The following ERCC8 variants were observed in gnomAD, a reference collection of about 807,000 sequenced individuals.
ERCC8 encodes the protein ERCC excision repair 8, CSA ubiquitin ligase complex subunit.
Under a neutral mutation model 54.9 loss-of-function variants are expected in ERCC8, and 52 were observed. The observed-to-expected ratio is 0.95, with a 90% CI of 0.76 to 1.19. The LOEUF is 1.19. Ranked by LOEUF, ERCC8 falls within the 50% of genes most tolerant of loss-of-function variation. The pLI, the probability that ERCC8 is intolerant of heterozygous loss-of-function variation, is 0.00. For missense variants in ERCC8, 514 were observed against 466.1 expected (o/e 1.10, Z -0.95); for synonymous variants, 146 against 157.2 (o/e 0.93, Z 0.53).
chr5:60,891,098 AAAT>A lies in ERCC8; in HGVS notation c.844-15_844-13del. 2 of 1,541,600 alleles carry A rather than the reference AAAT, an allele frequency of 1.3e-6. No individual in the cohort carries two copies. Among genetic ancestry groups the A allele is most frequent in the South Asian group, 1.1e-5 (1 of 89,410 alleles). The stretch of plus-strand genomic sequence containing the variant: ...TTTCCATAGTTCACCTGTAGGATTA[AAAT>A]AATAAGGTTACTCATCTCTGAAATC... On this transcript the variant is annotated splice_polypyrimidine_tract_variant and intron_variant, in intron 9 of 11. Coordinates refer to ENST00000676185, the MANE Select transcript of ERCC8 (RefSeq NM_000082.4).
Position 60,898,262 on chromosome 5 carries a change from TA to T in ERCC8, c.843+13del, listed in dbSNP as rs751610285. Reference sequence around the variant, plus strand: ...CTTAATTTATACCCAAATATATACTTAAAAATCTCTTACAAGTGTGTTTTCT... The same window carrying T: ...CTTAATTTATACCCAAATATATACTTAAAATCTCTTACAAGTGTGTTTTCT... On this transcript the variant is annotated intron_variant, in intron 9 of 11. Coordinates refer to ENST00000676185, the MANE Select transcript of ERCC8 (RefSeq NM_000082.4). The T allele has an allele frequency of 6.2e-7, 1 of 1,612,386 alleles. No individual in the cohort carries two copies. Among genetic ancestry groups the T allele is most frequent in the Non-Finnish European group, 8.5e-7 (1 of 1,178,720 alleles).
intron 3 of ERCC8, chr5:60,919,568 T>G (rs1005455931): frequency 1.3e-5 from 2 of 152,136 alleles, no homozygotes; most frequent in East Asian, 3.9e-4. Context: ...AGAACTATAG[T>G]GCCTACTCAT....
intron 9 of ERCC8, chr5:60,893,224 C>T: frequency 1.0e-6 from 1 of 987,614 alleles, no homozygotes; most frequent in Non-Finnish European, 1.6e-6. Flanking sequence ...TCACGGACTC[C>T]TTGTAATAAG....
intron 9 of ERCC8, chr5:60,893,491 T>G (rs935054133): frequency 2.6e-5 from 24 of 905,936 alleles, no homozygotes; most frequent in Non-Finnish European, 4.3e-5. Flanking sequence ...CTTTGGAGGT[T>G]GCTTTCTTCC....
chr5:60,934,991 G>C (rs1320191437), intron 1 of ERCC8, among the ~76,000 whole-genome samples: 1 of 152,146 alleles, frequency 6.6e-6, no homozygotes, highest in African/African-American at 2.4e-5. Context: ...TTTGAAGAAG[G>C]GTAAGGTGAT....
chr5:60,897,251 A>G (rs775052484), intron 9 of ERCC8, among the ~76,000 whole-genome samples: 14 of 152,070 alleles, frequency 9.2e-5, no homozygotes, highest in Admixed American at 2.6e-4. Context: ...AGCAACTCCA[A>G]CGTCCCAGTA....
At chr5:60,875,306 C>T (rs576813285) in intron 11 of ERCC8, among the ~76,000 whole-genome samples, 1 of 152,254 alleles carries the variant, frequency 6.6e-6, no homozygotes, top group East Asian at 1.9e-4. Flanking sequence ...GTAAAACATG[C>T]AAAATACGTC....
chr5:60,870,043 TTCAAGTGGAAGCCTCCCATATTTC>T lies in ERCC8; in HGVS notation c.*4548_*4571del, dbSNP rs1260056992. ...GTTGAATAAACAATTATTAAAAAGTTTCAAGTGGAAGCCTCCCATATTTCTCCACTATATTTTTGCAAGTGCTTA... is the reference window on the plus strand; with the variant it reads ...GTTGAATAAACAATTATTAAAAAGTTTCCACTATATTTTTGCAAGTGCTTA... On this transcript the variant is annotated 3_prime_UTR_variant, in exon 12 of 12. Coordinates refer to ENST00000676185, the MANE Select transcript of ERCC8 (RefSeq NM_000082.4). Among the ~76,000 whole-genome samples, 88 of 152,262 alleles carry T rather than the reference TTCAAGTGGAAGCCTCCCATATTTC, an allele frequency of 5.8e-4. No homozygotes were observed. The highest frequency in any genetic ancestry group is 2.0e-3 in the African/African-American group (84 of 41,554).
intron 11 of ERCC8, among the ~76,000 whole-genome samples, chr5:60,875,853 C>T (rs762072406): frequency 6.6e-5 from 10 of 151,710 alleles, no homozygotes; most frequent in Non-Finnish European, 1.3e-4. Context: ...CCTGCCACCA[C>T]GCCTGGATAA....
intron 11 of ERCC8, 48 bp downstream of exon 11, chr5:60,887,392 T>A (rs1220901222): frequency 1.4e-6 from 2 of 1,437,212 alleles, no homozygotes; most frequent in South Asian, 1.1e-5. Flanking sequence ...AAAACATTAT[T>A]TCTTAAGCTT....
Position 60,898,359 on chromosome 5 carries a change from T to A in ERCC8, c.760A>T (p.Thr254Ser). Residue 254 changes from threonine (T) to serine (S), a missense_variant, in exon 9 of 12, where the codon ACA becomes TCA. Coordinates refer to ENST00000676185, the MANE Select transcript of ERCC8 (RefSeq NM_000082.4). ...HNGKVNGLCF[T>S]SDGLHLLTVG... The stretch of plus-strand genomic sequence containing the variant: ...GTGAGGAGGTGAAGTCCATCACTTG[T>A]AAAACATAAGCCATTAACTTTCCCA... 1 of 1,613,668 alleles carries A rather than the reference T, an allele frequency of 6.2e-7. No individual in the cohort carries two copies. Among genetic ancestry groups the A allele is most frequent in the Non-Finnish European group, 8.5e-7 (1 of 1,179,660 alleles).
intron 1 of ERCC8, among the ~76,000 whole-genome samples, chr5:60,934,385 T>C (rs931763562): frequency 4.6e-5 from 7 of 152,230 alleles, no homozygotes; most frequent in African/African-American, 1.7e-4. Context: ...ATATCTTCTT[T>C]TGAGAACTGT....
rs1447501957 is a variant in ERCC8, at chr5:60,891,065, T to G, written c.865A>C (p.Asn289His). Residue 289 changes from asparagine (N) to histidine (H), a missense_variant, in exon 10 of 12, where the codon AAT becomes CAT. Asn to His is a moderately conservative substitution (Grantham distance 68). Coordinates refer to ENST00000676185, the MANE Select transcript of ERCC8 (RefSeq NM_000082.4). The stretch of plus-strand genomic sequence containing the variant: ...AATTTCAATCCTTTTTTACTGTTAT[T>G]ACAAACTTTTCCATAGTTCACCTGT... ...NTLVNYGKVC[N>H]NSKKGLKFTV... 2.5e-6 allele frequency: 4 copies of G among 1,611,254 alleles called. No homozygotes were observed. The highest frequency in any genetic ancestry group is 3.4e-6 in the Non-Finnish European group (4 of 1,178,962).
At chr5:60,878,677 C>A (rs1222830745) in intron 11 of ERCC8, among the ~76,000 whole-genome samples, 2 of 152,160 alleles carry the variant, frequency 1.3e-5, no homozygotes, top group Non-Finnish European at 2.9e-5. Context: ...TTATAGTATT[C>A]TGATGGTAGT....
intron 1 of ERCC8, among the ~76,000 whole-genome samples, chr5:60,936,598 G>A (rs1299910082): frequency 6.6e-6 from 1 of 151,990 alleles, no homozygotes; most frequent in Non-Finnish European, 1.5e-5. Flanking sequence ...CCAGTTCCTT[G>A]AGGTATGCCC....
intron 9 of ERCC8, chr5:60,892,243 A>G (rs1748584299): frequency 1.8e-6 from 1 of 547,710 alleles, no homozygotes; most frequent in Non-Finnish European, 3.7e-6. Flanking sequence ...TATATACAGT[A>G]GCTTTATCTT....
chr5:60,929,234 GGACAA>G (rs1749838323), intron 1 of ERCC8, among the ~76,000 whole-genome samples: 1 of 152,040 alleles, frequency 6.6e-6, no homozygotes, highest in South Asian at 2.1e-4. Context: ...GACATCTAAT[GGACAA>G]AAGCATAAAT....
At chr5:60,916,484 T>C (rs1749438735) in intron 4 of ERCC8, among the ~76,000 whole-genome samples, 1 of 152,114 alleles carries the variant, frequency 6.6e-6, no homozygotes, top group African/African-American at 2.4e-5. Flanking sequence ...GATGCCTGTT[T>C]ATGCTTTATC....
Position 60,928,920 on chromosome 5 carries a change from T to C in ERCC8, c.117A>G (p.Glu39=), listed in dbSNP as rs908086981. The change falls in exon 2 of 12, where the codon GAA becomes GAG. Residue 39 remains glutamate, a synonymous_variant. Transcript: ENST00000676185. ...GLELNKDRDV[E]RIHGGGINTL... ...TGTTAATTCCACCGCCGTGGATTCT[T>C]TCAACATCTCTGTCTTTATTTAATT... 2 of 1,609,308 alleles carry C rather than the reference T, an allele frequency of 1.2e-6. No individual in the cohort carries two copies. The highest frequency in any genetic ancestry group is 1.7e-6 in the Non-Finnish European group (2 of 1,176,594).
Sources: allele counts gnomAD v4.1 joint callset (sites outside exome capture counted in the v4.1 genomes callset), GRCh38; gene constraint gnomAD v4.1.1; transcripts MANE v1.5; gene names NCBI Gene and HGNC (gene_info 2026-07-23, HGNC 2026-07-21).